The following KCNH7 variants were observed in gnomAD, a reference collection of about 807,000 sequenced individuals.
KCNH7 encodes voltage-gated inwardly rectifying potassium channel KCNH7.
Under a neutral mutation model 120.8 loss-of-function variants are expected in KCNH7, and 49 were observed. The observed-to-expected ratio is 0.41, with a 90% CI of 0.32 to 0.51. The LOEUF is 0.51. Ranked by LOEUF, KCNH7 falls within the 20% of genes least tolerant of loss-of-function variation. KCNH7 has a pLI of 0.38. For synonymous variants in KCNH7, 547 were observed against 516.1 expected (o/e 1.06, Z -0.81); for missense variants, 1,097 against 1,446.6 (o/e 0.76, Z 3.92).
At chr2:162,476,575 T>A (rs1250958136) in intron 6 of KCNH7, among the ~76,000 whole-genome samples, 15 of 152,224 alleles carry the variant, frequency 9.9e-5, no homozygotes, top group Admixed American at 9.8e-4. Flanking sequence ...TCCATTTTAC[T>A]AAGCTATATG....
At chr2:162,686,617 A>T (rs1685902381) in intron 2 of KCNH7, among the ~76,000 whole-genome samples, 1 of 152,124 alleles carries the variant, frequency 6.6e-6, no homozygotes. Flanking sequence ...GGTTCATCTA[A>T]ATATCTGAAT....
At chr2:162,442,413 A>C (rs1688453005) in intron 7 of KCNH7, among the ~76,000 whole-genome samples, 1 of 152,144 alleles carries the variant, frequency 6.6e-6, no homozygotes, top group South Asian at 2.1e-4. Flanking sequence ...CATAATATAG[A>C]TACAAAGTTG....
Position 162,838,714 on chromosome 2 carries a change from A to C in KCNH7, c.-196T>G, listed in dbSNP as rs1573952818. The C allele has an allele frequency of 1.8e-5, 5 of 270,344 alleles. No individual in the cohort carries two copies. The highest frequency in any genetic ancestry group is 2.8e-5 in the Non-Finnish European group (4 of 144,604). 16.7% of individuals were successfully genotyped at this position (270,344 alleles called of 1,614,324 possible). Reference sequence around the variant, plus strand: ...CACCGGAGTCCAATCCATTCCCCTCACCTTCCGGAGGGGGCCTCGCACCGG... The same window carrying C: ...CACCGGAGTCCAATCCATTCCCCTCCCCTTCCGGAGGGGGCCTCGCACCGG... On this transcript the variant is annotated 5_prime_UTR_variant, in exon 1 of 16. Transcript: ENST00000332142.
chr2:162,446,490 T>A, intron 6 of KCNH7, 47 bp from the exon 7 acceptor site: 5 of 1,383,280 alleles, frequency 3.6e-6, no homozygotes, highest in African/African-American at 1.4e-5. Flanking sequence ...ATGCCATTTT[T>A]AATCTGGTAA....
Position 162,621,203 on chromosome 2 carries a change from A to AT in KCNH7, c.308-84124dup, listed in dbSNP as rs76520579. Among the ~76,000 whole-genome samples, 477 of 83,950 alleles carry AT rather than the reference A, an allele frequency of 5.7e-3. 2 individuals carry two copies. The highest frequency in any genetic ancestry group is 0.019 in the Middle Eastern group (2 of 104). The allele number at this position is 83,950 out of a possible 152,430, so 55.1% of individuals were successfully genotyped here. Reference sequence around the variant, plus strand: ...GGCAATTCTTTAATTTTATTTTGTGATTTTTTTTTGTTTGTTTTTCCTCTG... The same window carrying AT: ...GGCAATTCTTTAATTTTATTTTGTGATTTTTTTTTTGTTTGTTTTTCCTCTG... On this transcript the variant is annotated intron_variant, in intron 2 of 15. Transcript: ENST00000332142.
At chr2:162,791,454 T>C (rs527472630) in intron 2 of KCNH7, among the ~76,000 whole-genome samples, 1 of 152,256 alleles carries the variant, frequency 6.6e-6, no homozygotes, top group African/African-American at 2.4e-5. Context: ...TCACCTCTGA[T>C]TTCTTTGAGC....
rs1573990779 is a variant in KCNH7, at chr2:162,465,312, T to C, written c.1129-18869A>G. The stretch of plus-strand genomic sequence containing the variant: ...AATTGTTACTGCACTATTTATGCCA[T>C]AAGTTATTCCACTAGTCAAGAGTAA... On this transcript the variant is annotated intron_variant, in intron 6 of 15. Coordinates refer to ENST00000332142, the MANE Select transcript of KCNH7 (RefSeq NM_033272.4). Among the ~76,000 whole-genome samples the C allele has an allele frequency of 2.0e-5, 3 of 152,188 alleles. No individual in the cohort carries two copies. In the South Asian group the frequency reaches 6.2e-4, roughly 32 times the overall value.
chr2:162,779,347 T>C (rs13432377), intron 2 of KCNH7, among the ~76,000 whole-genome samples: 42,399 of 151,714 alleles, frequency 0.28, 6,857 homozygotes, highest in African/African-American at 0.45. Flanking sequence ...ACTACAGGCA[T>C]GTGCCACCAA....
chr2:162,589,225 G>A (rs923304638), intron 2 of KCNH7, among the ~76,000 whole-genome samples: 6 of 152,072 alleles, frequency 3.9e-5, no homozygotes, highest in East Asian at 1.9e-4. Flanking sequence ...GCCATAAACC[G>A]TGTGAATCGG....
At chr2:162,627,866 G>A (rs1683613979) in intron 2 of KCNH7, among the ~76,000 whole-genome samples, 1 of 150,766 alleles carries the variant, frequency 6.6e-6, no homozygotes, top group African/African-American at 2.5e-5. Flanking sequence ...GTATTGCAGT[G>A]ACCTGTGCTG....
chr2:162,568,956 C>T (rs78341048), intron 2 of KCNH7, among the ~76,000 whole-genome samples: 206 of 152,176 alleles, frequency 1.4e-3, no homozygotes, highest in African/African-American at 4.9e-3. Flanking sequence ...CATCAATGTT[C>T]ATCAAGGATA....
intron 9 of KCNH7, among the ~76,000 whole-genome samples, chr2:162,419,368 G>A (rs1412512697): frequency 2.0e-5 from 3 of 150,284 alleles, no homozygotes; most frequent in Non-Finnish European, 4.4e-5. Context: ...GGGATAGGCA[G>A]CAAATAGGTT....
rs114651888 is a variant in KCNH7 at position 162,827,705 on chromosome 2, C to A, written c.307+8832G>T. 1.7e-3 allele frequency among the ~76,000 whole-genome samples: 264 copies of A among 152,202 alleles called. 1 individual carries two copies. The highest frequency in any genetic ancestry group is 6.0e-3 in the African/African-American group (249 of 41,532). ...GTAGGTTGAGGTTTAAGAGGTGTAT[C>A]ATTTGGAGGCAATGTGGTAGAGTTT... is the stretch of plus-strand genomic sequence containing the variant. On this transcript the variant is annotated intron_variant, in intron 2 of 15. Coordinates refer to ENST00000332142, the MANE Select transcript of KCNH7 (RefSeq NM_033272.4).
chr2:162,702,044 T>G (rs896327786), intron 2 of KCNH7, among the ~76,000 whole-genome samples: 9 of 151,774 alleles, frequency 5.9e-5, no homozygotes, highest in African/African-American at 1.9e-4. Context: ...ATGTTGGTGC[T>G]CAGGTGCTCA....
intron 6 of KCNH7, among the ~76,000 whole-genome samples, chr2:162,461,915 T>A (rs183547801): frequency 1.3e-5 from 2 of 152,152 alleles, no homozygotes; most frequent in East Asian, 3.9e-4. Flanking sequence ...TGCATGACTT[T>A]CTCTATTTCC....
At chr2:162,425,495 T>C (rs951484123) in intron 8 of KCNH7, among the ~76,000 whole-genome samples, 14 of 152,160 alleles carry the variant, frequency 9.2e-5, no homozygotes, top group African/African-American at 3.4e-4. Flanking sequence ...AAAAAGAGAA[T>C]TAACAATATT....
intron 6 of KCNH7, among the ~76,000 whole-genome samples, chr2:162,478,746 G>T (rs1272685607): frequency 6.6e-6 from 1 of 152,094 alleles, no homozygotes; most frequent in Non-Finnish European, 1.5e-5. Context: ...TAAAGCCATA[G>T]AATCATGATT....
intron 6 of KCNH7, among the ~76,000 whole-genome samples, chr2:162,478,546 T>C (rs1380354329): frequency 6.6e-6 from 1 of 152,224 alleles, no homozygotes; most frequent in East Asian, 1.9e-4. Flanking sequence ...TCTTATAGGC[T>C]AGATATTTCC....
chr2:162,740,032 AAC>A (rs149331788), intron 2 of KCNH7, among the ~76,000 whole-genome samples: 1,610 of 152,300 alleles, frequency 0.011, 15 homozygotes, highest in Non-Finnish European at 0.016. Flanking sequence ...TGTCAGAAGT[AAC>A]AGACAGGTGT....
Sources: allele counts gnomAD v4.1 joint callset (sites outside exome capture counted in the v4.1 genomes callset), GRCh38; gene constraint gnomAD v4.1.1; transcripts MANE v1.5; gene names NCBI Gene and HGNC (gene_info 2026-07-23, HGNC 2026-07-21).